The following CDC14B variants were observed in gnomAD, a reference collection of about 807,000 sequenced individuals.
CDC14B encodes the protein dual specificity protein phosphatase CDC14B.
In CDC14B, 22 loss-of-function variants were observed where a neutral mutation model predicts 64.2. The ratio of observed to expected loss-of-function variants is 0.34; its 90% CI spans 0.24 to 0.49. The LOEUF (loss-of-function observed/expected upper bound fraction) is 0.49, where lower values mean the gene tolerates loss of function less well. Ranked by LOEUF, CDC14B falls within the 20% of genes least tolerant of loss-of-function variation. CDC14B has a pLI of 0.99. For missense variants in CDC14B, 498 were observed against 629.9 expected (o/e 0.79, Z 2.24); for synonymous variants, 191 against 215.8 (o/e 0.89, Z 1.01).
intron 12 of CDC14B, among the ~76,000 whole-genome samples, chr9:96,511,714 A>C (rs1392379574): frequency 1.3e-5 from 2 of 152,216 alleles, no homozygotes; most frequent in African/African-American, 4.8e-5. Flanking sequence ...TCACAGAGGG[A>C]CATGAATCCT....
chr9:96,506,807 A>T (rs1178690208), intron 13 of CDC14B, among the ~76,000 whole-genome samples: 1 of 152,160 alleles, frequency 6.6e-6, no homozygotes, highest in African/African-American at 2.4e-5. Context: ...AGGTTACTAG[A>T]GTGACATGAA....
intron 1 of CDC14B, among the ~76,000 whole-genome samples, chr9:96,610,300 G>A (rs1343326630): frequency 1.3e-5 from 2 of 152,046 alleles, no homozygotes; most frequent in African/African-American, 4.8e-5. Context: ...AGGGGTTCAC[G>A]CCATTCTCCT....
intron 1 of CDC14B, among the ~76,000 whole-genome samples, chr9:96,606,604 T>C (rs551335152): frequency 4.0e-5 from 6 of 149,966 alleles, no homozygotes; most frequent in African/African-American, 1.5e-4. Context: ...TTCACACTTG[T>C]TGCCCAGGCT....
chr9:96,528,645 AC>A, intron 9 of CDC14B, among the ~76,000 whole-genome samples: 1 of 152,304 alleles, frequency 6.6e-6, no homozygotes, highest in Middle Eastern at 3.4e-3. Context: ...CTGCTGAATG[AC>A]GTTAATTTTT....
chr9:96,540,196 C>T (rs540164994), intron 6 of CDC14B, among the ~76,000 whole-genome samples: 1 of 152,148 alleles, frequency 6.6e-6, no homozygotes. Flanking sequence ...CTTTGAATTT[C>T]ATGAGGTGAT....
chr9:96,552,864 C>T (rs960607705), intron 4 of CDC14B, among the ~76,000 whole-genome samples: 1 of 152,110 alleles, frequency 6.6e-6, no homozygotes, highest in South Asian at 2.1e-4. Flanking sequence ...TATATTATCA[C>T]TAAAATTAGG....
At chr9:96,559,169 T>C (rs1377640948) in intron 4 of CDC14B, among the ~76,000 whole-genome samples, 1 of 152,216 alleles carries the variant, frequency 6.6e-6, no homozygotes, top group Non-Finnish European at 1.5e-5. Flanking sequence ...TAACACTTTA[T>C]TTCCATGCCA....
chr9:96,523,167 T>C, intron 11 of CDC14B, 94 bp downstream of exon 11: 1 of 1,327,234 alleles, frequency 7.5e-7, no homozygotes, highest in Non-Finnish European at 1.0e-6. Context: ...CAAGAGCTGC[T>C]TTATTATTTT....
chr9:96,496,794 C>A (rs1833266162), downstream of CDC14B, among the ~76,000 whole-genome samples: 1 of 152,242 alleles, frequency 6.6e-6, no homozygotes, highest in South Asian at 2.1e-4. Flanking sequence ...CAGCTCCTTC[C>A]TCTGCCCGCC....
chr9:96,594,402 G>GC (rs1374109352), intron 1 of CDC14B, among the ~76,000 whole-genome samples: 2 of 152,156 alleles, frequency 1.3e-5, no homozygotes, highest in Non-Finnish European at 2.9e-5. Flanking sequence ...CATAGAACAT[G>GC]CAAGTGAGAA....
intron 1 of CDC14B, among the ~76,000 whole-genome samples, chr9:96,614,813 A>G (rs1172987056): frequency 2.0e-5 from 3 of 152,074 alleles, no homozygotes; most frequent in Non-Finnish European, 2.9e-5. Flanking sequence ...GCATCTTTTT[A>G]GCTTTAATGC....
At chr9:96,615,137 G>A (rs371104623) in intron 1 of CDC14B, among the ~76,000 whole-genome samples, 47 of 152,202 alleles carry the variant, frequency 3.1e-4, no homozygotes, top group African/African-American at 1.1e-3. Flanking sequence ...CACTGTGCCC[G>A]GCCTACACTG....
At position 96,619,382 on chromosome 9, in the gene CDC14B, G is replaced by A. The variant is rs1458718972; in HGVS notation, c.-4C>T. 18 of 1,197,774 alleles carry A rather than the reference G, an allele frequency of 1.5e-5. No individual in the cohort carries two copies. The highest frequency in any genetic ancestry group is 1.7e-5 in the Non-Finnish European group (16 of 965,874). The allele number at this position is 1,197,774 out of a possible 1,614,324, so 74.2% of individuals were successfully genotyped here. A position where few individuals can be genotyped will look rare whatever the true frequency, so the allele number is the denominator to read the frequency against. On this transcript the variant is annotated 5_prime_UTR_variant, in exon 1 of 14. Transcript: ENST00000375241. ...GCCGCTCGCTTTTCCGCTTCATGGA[G>A]GCGGCCGCGGCCCGTCAGGGGGCCA...
At chr9:96,527,626 A>T (rs962677032) in intron 9 of CDC14B, among the ~76,000 whole-genome samples, 3 of 151,218 alleles carry the variant, frequency 2.0e-5, no homozygotes, top group African/African-American at 2.4e-5. Flanking sequence ...TTATTTATTT[A>T]TTTTTTTGAG....
At chr9:96,605,047 T>C (rs544225932) in intron 1 of CDC14B, among the ~76,000 whole-genome samples, 22 of 152,112 alleles carry the variant, frequency 1.4e-4, no homozygotes, top group Non-Finnish European at 2.8e-4. Context: ...CACATGCATA[T>C]GCTTTCTCAA....
intron 4 of CDC14B, among the ~76,000 whole-genome samples, chr9:96,561,157 G>A (rs1406706590): frequency 6.6e-6 from 1 of 152,024 alleles, no homozygotes; most frequent in Non-Finnish European, 1.5e-5. Context: ...GGCTGGTCTC[G>A]TACACCTGAC....
At chr9:96,513,103 T>C (rs7036913) in intron 12 of CDC14B, among the ~76,000 whole-genome samples, 4 of 152,212 alleles carry the variant, frequency 2.6e-5, no homozygotes, top group African/African-American at 9.6e-5. Context: ...TTTTTAAAAG[T>C]ATTTATTTCT....
chr9:96,562,877 T>C (rs879568047), intron 3 of CDC14B, 92 bp from the exon 4 acceptor site: 16 of 810,204 alleles, frequency 2.0e-5, no homozygotes, highest in Non-Finnish European at 3.2e-5. Flanking sequence ...CCAAATCCCA[T>C]AACCATTCAT....
chr9:96,511,622 A>C (rs1172286937), intron 12 of CDC14B, among the ~76,000 whole-genome samples: 4 of 152,096 alleles, frequency 2.6e-5, no homozygotes, highest in Non-Finnish European at 5.9e-5. Flanking sequence ...CCTTCTGGGG[A>C]GAAGGGGATG....
Sources: gnomAD v4.1 joint callset for allele counts (sites outside exome capture counted in the v4.1 genomes callset) on GRCh38, gnomAD v4.1.1 for gene constraint, MANE v1.5 for transcripts, NCBI Gene and HGNC (gene_info 2026-07-23, HGNC 2026-07-21) for gene names.